Variants in TAFA5 observed in about 807,000 individuals in gnomAD.
The protein encoded by TAFA5 is chemokine-like protein TAFA-5.
In TAFA5, 6 loss-of-function variants were observed where a neutral mutation model predicts 15.3. That is an observed-to-expected ratio of 0.39 (90% confidence interval 0.21 to 0.77). The LOEUF (loss-of-function observed/expected upper bound fraction) is 0.77, where lower values mean the gene tolerates loss of function less well. Ranked by LOEUF, TAFA5 falls within the 30% of genes least tolerant of loss-of-function variation. The pLI is 0.41. For missense variants in TAFA5, 161 were observed against 193.1 expected (o/e 0.83, Z 0.98); for synonymous variants, 103 against 80.7 (o/e 1.28, Z -1.48).
At chr22:48,582,402 T>C (rs1308943315) in intron 1 of TAFA5, among the ~76,000 whole-genome samples, 4 of 131,128 alleles carry the variant, frequency 3.1e-5, no homozygotes, top group Non-Finnish European at 4.9e-5. Flanking sequence ...ACACACAAAA[T>C]ACACCACACA....
Position 48,534,498 on chromosome 22 carries a change from A to G in TAFA5, c.112+44794A>G, listed in dbSNP as rs532315165. ...GCCGTGTCAGCTGAGCAGCAGGTCC[A>G]GGACAGCCTGGGTGGGTGGACAGGG... On this transcript the variant is annotated intron_variant, in intron 1 of 3. Coordinates refer to ENST00000402357, the MANE Select transcript of TAFA5 (RefSeq NM_001082967.3). Among the ~76,000 whole-genome samples, 362 of 152,240 alleles carry G rather than the reference A, an allele frequency of 2.4e-3. 10 individuals carry two copies. The highest frequency in any genetic ancestry group is 0.02 in the Admixed American group (302 of 15,304).
Position 48,742,261 on chromosome 22 carries a change from G to A in TAFA5, c.391-7578G>A, listed in dbSNP as rs1048366589. On this transcript the variant is annotated intron_variant, in intron 3 of 3. Transcript: ENST00000402357. The surrounding 1 kb of genome is among the most constrained non-coding windows in gnomAD (Gnocchi z 6.2). ...CCCACAGGCCCCTCATCCTTCACCA[G>A]GCACAGGTGCACGGGGCCCCTGCCA... 6.6e-6 allele frequency among the ~76,000 whole-genome samples: 1 copy of A among 152,112 alleles called. No homozygotes were observed. Among genetic ancestry groups the A allele is most frequent in the African/African-American group, 2.4e-5 (1 of 41,414 alleles).
At position 48,507,655 on chromosome 22, in the gene TAFA5, C is replaced by T. The variant is rs566285496; in HGVS notation, c.112+17951C>T. On this transcript the variant is annotated intron_variant, in intron 1 of 3. Coordinates refer to ENST00000402357, the MANE Select transcript of TAFA5 (RefSeq NM_001082967.3). Reference sequence around the variant, plus strand: ...GGGCCTCATTCAGAGCCAGGATGTGCGCTTGGCCTGCGGAAGAGAGGGTGG... The same window carrying T: ...GGGCCTCATTCAGAGCCAGGATGTGTGCTTGGCCTGCGGAAGAGAGGGTGG... 3.9e-4 allele frequency among the ~76,000 whole-genome samples: 59 copies of T among 152,270 alleles called. 1 individual carries two copies. The highest frequency in any genetic ancestry group is 6.8e-3 in the Middle Eastern group (2 of 294).
intron 2 of TAFA5, among the ~76,000 whole-genome samples, chr22:48,651,349 T>C (rs1470038232): frequency 2.6e-5 from 4 of 152,010 alleles, no homozygotes; most frequent in African/African-American, 9.7e-5. Context: ...CACTGGGAGG[T>C]GCAGGACAGG....
At chr22:48,536,013 A>AC (rs371208670) in intron 1 of TAFA5, among the ~76,000 whole-genome samples, 89 of 150,392 alleles carry the variant, frequency 5.9e-4, no homozygotes, top group African/African-American at 9.3e-4. Context: ...ACACAGACAC[A>AC]CCCCCCCCAG....
chr22:48,538,812 G>A (rs965783533), intron 1 of TAFA5: 1 of 153,694 alleles, frequency 6.5e-6, no homozygotes, highest in African/African-American at 2.4e-5. Context: ...CCAGTCCTAG[G>A]ATCAAGGGTG....
At chr22:48,577,831 G>A (rs530493354) in intron 1 of TAFA5, among the ~76,000 whole-genome samples, 3 of 152,326 alleles carry the variant, frequency 2.0e-5, no homozygotes, top group South Asian at 2.1e-4. Context: ...CTGCCAGCCC[G>A]GGCTTGCGGG....
intron 3 of TAFA5, among the ~76,000 whole-genome samples, chr22:48,748,322 G>T (rs2147279031): frequency 6.6e-6 from 1 of 152,348 alleles, no homozygotes; most frequent in South Asian, 2.1e-4. Flanking sequence ...CTTGGCCTTG[G>T]ACTGTGGATG....
At chr22:48,593,270 A>C (rs1331862003) in intron 1 of TAFA5, among the ~76,000 whole-genome samples, 1 of 152,166 alleles carries the variant, frequency 6.6e-6, no homozygotes, top group Non-Finnish European at 1.5e-5. Context: ...GGAGGGCTGC[A>C]GAGGCTGAGA....
chr22:48,596,678 G>A (rs1029081628), intron 1 of TAFA5, among the ~76,000 whole-genome samples: 3 of 151,934 alleles, frequency 2.0e-5, no homozygotes, highest in East Asian at 1.9e-4. Flanking sequence ...TCACACCAGC[G>A]CTCACTCTTG....
At chr22:48,567,592 TGAG>T (rs891028754) in intron 1 of TAFA5, among the ~76,000 whole-genome samples, 1 of 152,142 alleles carries the variant, frequency 6.6e-6, no homozygotes. Flanking sequence ...GCAGGTGGCC[TGAG>T]GAGAGGGGGG....
rs1601659745 is a variant in TAFA5 at position 48,671,672 on chromosome 22, C to G, written c.262+24926C>G. 2.0e-5 allele frequency among the ~76,000 whole-genome samples: 3 copies of G among 152,264 alleles called. No homozygotes were observed. In the Middle Eastern group the frequency reaches 0.01, roughly 518 times the overall value. On this transcript the variant is annotated intron_variant, in intron 2 of 3. Coordinates refer to ENST00000402357, the MANE Select transcript of TAFA5 (RefSeq NM_001082967.3). ...ATTTATCAGAGAATCCCCTGGCCTC[C>G]CAGGGCCTAATGAGACCTTCAGGGC...
At chr22:48,526,123 G>A (rs1921773323) in intron 1 of TAFA5, among the ~76,000 whole-genome samples, 1 of 152,250 alleles carries the variant, frequency 6.6e-6, no homozygotes, top group Admixed American at 6.5e-5. Context: ...GAGAAACTAA[G>A]GGGTGCATGC....
intron 1 of TAFA5, among the ~76,000 whole-genome samples, chr22:48,595,369 G>T: frequency 6.6e-6 from 1 of 152,352 alleles, no homozygotes; most frequent in Middle Eastern, 3.4e-3. Flanking sequence ...GTGCCCCAAG[G>T]CTCCAACAGG....
At chr22:48,661,271 G>A (rs1407097631) in intron 2 of TAFA5, among the ~76,000 whole-genome samples, 3 of 151,986 alleles carry the variant, frequency 2.0e-5, no homozygotes, top group Non-Finnish European at 2.9e-5. Context: ...CCCCACCCTC[G>A]GCCCCGAGCC....
At chr22:48,569,944 G>A (rs1251009414) in intron 1 of TAFA5, among the ~76,000 whole-genome samples, 1 of 152,224 alleles carries the variant, frequency 6.6e-6, no homozygotes, top group Non-Finnish European at 1.5e-5. Context: ...CCAATGTCCT[G>A]GCCGCCAGTG....
At chr22:48,590,015 C>T (rs946156223) in intron 1 of TAFA5, among the ~76,000 whole-genome samples, 9 of 133,518 alleles carry the variant, frequency 6.7e-5, no homozygotes, top group Admixed American at 1.6e-4. Context: ...GTGTGTGTCA[C>T]GCGCACATGC....
At chr22:48,627,568 C>T (rs1314218926) in intron 1 of TAFA5, among the ~76,000 whole-genome samples, 2 of 152,262 alleles carry the variant, frequency 1.3e-5, no homozygotes, top group East Asian at 3.8e-4. Context: ...CAGGCAGCTG[C>T]AGAGAGGCTG....
chr22:48,549,249 A>C (rs133470), intron 1 of TAFA5, among the ~76,000 whole-genome samples: 109,239 of 152,192 alleles, frequency 0.72, 40,906 homozygotes, highest in African/African-American at 0.93. Flanking sequence ...GTGTAGACAC[A>C]GAGGGCTTCC....
Sources: allele counts gnomAD v4.1 joint callset (sites outside exome capture counted in the v4.1 genomes callset), GRCh38; gene constraint gnomAD v4.1.1; non-coding constraint Gnocchi (gnomAD v3.1); transcripts MANE v1.5; gene names NCBI Gene and HGNC (gene_info 2026-07-23, HGNC 2026-07-21).